Variants in FOXJ3 observed in about 807,000 individuals in gnomAD.
FOXJ3 encodes forkhead box protein J3.
A neutral mutation model predicts 76.1 loss-of-function variants in FOXJ3; 22 were observed. That is an observed-to-expected ratio of 0.29 (90% CI 0.21 to 0.41). FOXJ3 has a LOEUF of 0.41. Ranked by LOEUF, FOXJ3 falls within the 10% of genes least tolerant of loss-of-function variation. FOXJ3 has a pLI of 1.00. For missense variants in FOXJ3, 613 were observed against 762.1 expected (o/e 0.80, Z 2.30); for synonymous variants, 269 against 261.2 (o/e 1.03, Z -0.29).
chr1:42,184,352 G>A (rs1569763652), intron 11 of FOXJ3, among the ~76,000 whole-genome samples: 1 of 152,020 alleles, frequency 6.6e-6, no homozygotes, highest in Admixed American at 6.5e-5. Flanking sequence ...AAGGCAGAGG[G>A]GAGAAAGAAT....
chr1:42,196,173 C>CT (rs1158600999), intron 7 of FOXJ3, among the ~76,000 whole-genome samples: 4 of 152,180 alleles, frequency 2.6e-5, no homozygotes, highest in Non-Finnish European at 5.9e-5. Context: ...CTCGAGTAGT[C>CT]TGTCATTTGG....
At chr1:42,241,741 G>A (rs1649160016) in intron 4 of FOXJ3, among the ~76,000 whole-genome samples, 1 of 152,198 alleles carries the variant, frequency 6.6e-6, no homozygotes, top group Admixed American at 6.5e-5. Context: ...CTGTCCAGGG[G>A]AATGAGGACA....
At chr1:42,181,872 C>CAT (rs1252364894) in intron 12 of FOXJ3, 45 bp downstream of exon 12, 1 of 1,264,478 alleles carries the variant, frequency 7.9e-7, no homozygotes, top group African/African-American at 1.5e-5. Context: ...TGCTCACACA[C>CAT]ACACACACAC....
intron 5 of FOXJ3, among the ~76,000 whole-genome samples, chr1:42,209,914 A>G (rs1646933477): frequency 1.3e-5 from 2 of 152,206 alleles, no homozygotes; most frequent in Admixed American, 1.3e-4. Flanking sequence ...CCACAGGTGC[A>G]GGAGCTGGGT....
rs151017266 is a variant in FOXJ3, at chr1:42,307,171, T to A, written c.44+3879A>T. Among the ~76,000 whole-genome samples the A allele has an allele frequency of 2.3e-4, 35 of 152,324 alleles. No individual in the cohort carries two copies. The East Asian group carries it at 6.6e-3, about 29-fold the overall frequency. On this transcript the variant is annotated intron_variant, in intron 2 of 12. Coordinates refer to ENST00000361346, the MANE Select transcript of FOXJ3 (RefSeq NM_014947.5). Reference sequence around the variant, plus strand: ...GCTTCTTCAGCCCTATAGCAGCAGGTCCTTCCAACAGCAACAAGTGAATCC... The same window carrying A: ...GCTTCTTCAGCCCTATAGCAGCAGGACCTTCCAACAGCAACAAGTGAATCC...
chr1:42,274,999 T>C (rs1278549311), intron 3 of FOXJ3, among the ~76,000 whole-genome samples: 2 of 152,066 alleles, frequency 1.3e-5, no homozygotes, highest in African/African-American at 4.8e-5. Flanking sequence ...GCGAGAAGTA[T>C]ATGAAAGGAA....
intron 2 of FOXJ3, among the ~76,000 whole-genome samples, chr1:42,284,641 C>CTGA (rs1652936064): frequency 6.6e-6 from 1 of 152,216 alleles, no homozygotes; most frequent in African/African-American, 2.4e-5. Flanking sequence ...GTAGAGAAGA[C>CTGA]TGATACCTTA....
At chr1:42,213,042 T>C (rs757471964) in intron 5 of FOXJ3, among the ~76,000 whole-genome samples, 5 of 150,390 alleles carry the variant, frequency 3.3e-5, no homozygotes, top group Admixed American at 2.0e-4. Context: ...CTAAGGAAGC[T>C]TGTCAATAAT....
chr1:42,231,947 C>G (rs146380897), intron 4 of FOXJ3, among the ~76,000 whole-genome samples: 5 of 152,326 alleles, frequency 3.3e-5, no homozygotes, highest in South Asian at 2.1e-4. Context: ...ATCCTTCCCC[C>G]CTACCCCCAC....
intron 4 of FOXJ3, among the ~76,000 whole-genome samples, chr1:42,243,749 T>C (rs747074200): frequency 2.6e-5 from 4 of 151,808 alleles, no homozygotes; most frequent in Non-Finnish European, 4.4e-5. Context: ...CATCCAACAC[T>C]GGAGCAACCA....
At chr1:42,196,390 T>C (rs1169965559) in intron 7 of FOXJ3, among the ~76,000 whole-genome samples, 1 of 152,164 alleles carries the variant, frequency 6.6e-6, no homozygotes, top group Non-Finnish European at 1.5e-5. Context: ...TGACACCTTG[T>C]TGTTGAAAGA....
chr1:42,299,750 A>C (rs868571552), intron 2 of FOXJ3, among the ~76,000 whole-genome samples: 2 of 151,948 alleles, frequency 1.3e-5, no homozygotes, highest in African/African-American at 4.8e-5. Context: ...CTACTAAAAA[A>C]TACAAAAGTT....
intron 4 of FOXJ3, among the ~76,000 whole-genome samples, chr1:42,259,250 A>C (rs893481993): frequency 9.9e-5 from 15 of 152,274 alleles, no homozygotes; most frequent in African/African-American, 2.9e-4. Flanking sequence ...GGGATGAGGG[A>C]AAGGGCTGAC....
intron 1 of FOXJ3, among the ~76,000 whole-genome samples, chr1:42,332,672 G>C (rs1191214361): frequency 6.6e-6 from 1 of 151,982 alleles, no homozygotes; most frequent in Non-Finnish European, 1.5e-5. Context: ...CTCTATCCTT[G>C]AAAGATCCTC....
chr1:42,265,600 G>A (rs1332310542), intron 3 of FOXJ3, among the ~76,000 whole-genome samples: 1 of 151,938 alleles, frequency 6.6e-6, no homozygotes, highest in African/African-American at 2.4e-5. Flanking sequence ...AATGTAAGAA[G>A]TTACTCTACA....
chr1:42,291,736 T>C (rs1046195109), intron 2 of FOXJ3, among the ~76,000 whole-genome samples: 1 of 152,108 alleles, frequency 6.6e-6, no homozygotes, highest in African/African-American at 2.4e-5. Context: ...GCTATGATCA[T>C]GCCACTGTAC....
At chr1:42,222,716 T>G (rs1647265386) in intron 5 of FOXJ3, among the ~76,000 whole-genome samples, 1 of 152,234 alleles carries the variant, frequency 6.6e-6, no homozygotes, top group South Asian at 2.1e-4. Flanking sequence ...ATCTTGTGTT[T>G]ACTCCTACCT....
chr1:42,247,746 TA>T (rs1649663250), intron 4 of FOXJ3, among the ~76,000 whole-genome samples: 1 of 152,148 alleles, frequency 6.6e-6, no homozygotes, highest in South Asian at 2.1e-4. Flanking sequence ...ATTCCATTCC[TA>T]AAAAACTGAA....
intron 2 of FOXJ3, among the ~76,000 whole-genome samples, chr1:42,303,332 T>C (rs1051990186): frequency 6.6e-6 from 1 of 152,222 alleles, no homozygotes; most frequent in African/African-American, 2.4e-5. Context: ...GGGAACTTAA[T>C]AAACTTAAAG....
Sources: allele counts gnomAD v4.1 joint callset (sites outside exome capture counted in the v4.1 genomes callset), GRCh38; gene constraint gnomAD v4.1.1; transcripts MANE v1.5; gene names NCBI Gene and HGNC (gene_info 2026-07-23, HGNC 2026-07-21).